The following EXOC4 variants were observed in gnomAD, a reference collection of about 807,000 sequenced individuals.
EXOC4 encodes the protein exocyst complex component 4, also known as SEC8-like 1.
Under a neutral mutation model 107.2 loss-of-function variants are expected in EXOC4, and 71 were observed. That is an observed-to-expected ratio of 0.66 (90% CI 0.55 to 0.81). The LOEUF (loss-of-function observed/expected upper bound fraction) is 0.81. Among genes scored for constraint, EXOC4 ranks in the 30% least tolerant of loss-of-function variants. The probability of loss-of-function intolerance (pLI) is 0.00; values close to 1 mark genes in which losing one functional copy is unlikely to be tolerated. For missense variants in EXOC4, 1,108 were observed against 1,189.6 expected (o/e 0.93, Z 1.01); for synonymous variants, 456 against 441.2 (o/e 1.03, Z -0.42).
At chr7:133,703,400 T>G (rs999588679) in intron 10 of EXOC4, among the ~76,000 whole-genome samples, 3 of 152,132 alleles carry the variant, frequency 2.0e-5, no homozygotes, top group Non-Finnish European at 2.9e-5. Context: ...AAATTCACAT[T>G]TAGGGGGAGT....
rs866162134 is a variant in EXOC4 at position 133,517,101 on chromosome 7, A to C, written c.1417+36963A>C. Among the ~76,000 whole-genome samples, 7 of 152,266 alleles carry C rather than the reference A, an allele frequency of 4.6e-5. No homozygotes were observed. In the South Asian group the frequency reaches 1.5e-3, roughly 32 times the overall value. ...TCCTTCACAGAGCAAAAGGAATTCTATACATTTATTTAAAAGACAAATATT... is the reference window on the plus strand; with the variant it reads ...TCCTTCACAGAGCAAAAGGAATTCTCTACATTTATTTAAAAGACAAATATT... On this transcript the variant is annotated intron_variant, in intron 9 of 17. Transcript: ENST00000253861.
At chr7:133,606,395 A>T (rs931962107) in intron 9 of EXOC4, among the ~76,000 whole-genome samples, 42 of 152,114 alleles carry the variant, frequency 2.8e-4, no homozygotes, top group African/African-American at 9.9e-4. Flanking sequence ...CAAATCCCTT[A>T]TATCCTGAAT....
rs1562985151 is a variant in EXOC4, at chr7:133,757,370, A to C, written c.1515-59955A>C. ...AAGCATCTTACTTTTAAAAAAATGC[A>C]GATTGTGTTTGCTTTGTGATTTTGA... is the stretch of plus-strand genomic sequence containing the variant. On this transcript the variant is annotated intron_variant, in intron 10 of 17. Coordinates refer to ENST00000253861, the MANE Select transcript of EXOC4 (RefSeq NM_021807.4). Among the ~76,000 whole-genome samples the C allele has an allele frequency of 2.6e-5, 4 of 152,246 alleles. 1 individual carries two copies. In the South Asian group the frequency reaches 8.3e-4, roughly 31 times the overall value.
intron 9 of EXOC4, among the ~76,000 whole-genome samples, chr7:133,547,414 G>C (rs1800503084): frequency 6.6e-6 from 1 of 152,128 alleles, no homozygotes; most frequent in South Asian, 2.1e-4. Context: ...GGTGGTTGTT[G>C]AATGTTGGGG....
At chr7:133,861,866 G>A (rs1798541072) in intron 11 of EXOC4, among the ~76,000 whole-genome samples, 1 of 152,170 alleles carries the variant, frequency 6.6e-6, no homozygotes, top group African/African-American at 2.4e-5. Context: ...CACCCAGGGT[G>A]ATTCTGTTGA....
intron 7 of EXOC4, among the ~76,000 whole-genome samples, chr7:133,377,793 G>A (rs930071455): frequency 6.6e-6 from 1 of 152,086 alleles, no homozygotes; most frequent in Non-Finnish European, 1.5e-5. Flanking sequence ...TTGCCTACAA[G>A]CAAACAGTGA....
chr7:133,308,493 C>T (rs537928104), intron 4 of EXOC4, among the ~76,000 whole-genome samples: 5 of 152,270 alleles, frequency 3.3e-5, no homozygotes, highest in Admixed American at 6.5e-5. Flanking sequence ...AAACCAACTA[C>T]GCCCACACCT....
chr7:133,533,105 G>A (rs1049448551), intron 9 of EXOC4, among the ~76,000 whole-genome samples: 2 of 151,986 alleles, frequency 1.3e-5, no homozygotes, highest in Non-Finnish European at 2.9e-5. Flanking sequence ...TATCTCCTTT[G>A]TTGCCTCCTT....
At chr7:133,513,890 C>A (rs1238170768) in intron 9 of EXOC4, among the ~76,000 whole-genome samples, 1 of 152,240 alleles carries the variant, frequency 6.6e-6, no homozygotes, top group African/African-American at 2.4e-5. Flanking sequence ...TATCTGCTCT[C>A]CAATTTGCCG....
chr7:133,479,955 C>A, intron 8 of EXOC4, 95 bp from the exon 9 acceptor site: 1 of 1,047,540 alleles, frequency 9.5e-7, no homozygotes, highest in South Asian at 1.3e-5. Context: ...CGGGGAGCAC[C>A]ACACAGACCA....
At chr7:133,885,996 C>G (rs926665828) in intron 11 of EXOC4, among the ~76,000 whole-genome samples, 2 of 152,092 alleles carry the variant, frequency 1.3e-5, no homozygotes, top group African/African-American at 2.4e-5. Flanking sequence ...AAGTAAGAGG[C>G]CTGTTCAAGC....
intron 7 of EXOC4, among the ~76,000 whole-genome samples, chr7:133,471,905 TG>T (rs1456177272): frequency 6.6e-6 from 1 of 152,134 alleles, no homozygotes; most frequent in Non-Finnish European, 1.5e-5. Flanking sequence ...ATGTAGAAAA[TG>T]GGTGTTTTAG....
intron 5 of EXOC4, among the ~76,000 whole-genome samples, chr7:133,349,637 A>T (rs1282552725): frequency 6.6e-6 from 1 of 152,076 alleles, no homozygotes; most frequent in African/African-American, 2.4e-5. Flanking sequence ...ACTCTTCAAG[A>T]CCCTGATATC....
chr7:133,775,764 G>A (rs1340632212), intron 10 of EXOC4, among the ~76,000 whole-genome samples: 1 of 152,186 alleles, frequency 6.6e-6, no homozygotes, highest in Non-Finnish European at 1.5e-5. Context: ...CTAAGAGACA[G>A]TTGGACTGAT....
At chr7:133,544,066 A>G (rs898504907) in intron 9 of EXOC4, among the ~76,000 whole-genome samples, 8 of 152,132 alleles carry the variant, frequency 5.3e-5, no homozygotes, top group Non-Finnish European at 1.0e-4. Flanking sequence ...ACATACATAT[A>G]TTTTTTGCCT....
chr7:133,257,170 C>T (rs955373068), intron 1 of EXOC4, among the ~76,000 whole-genome samples: 3 of 152,136 alleles, frequency 2.0e-5, no homozygotes, highest in East Asian at 1.9e-4. Context: ...TTCAGTTTGT[C>T]GGAGGCTACT....
intron 14 of EXOC4, among the ~76,000 whole-genome samples, chr7:133,992,748 T>C (rs77716348): frequency 6.7e-6 from 1 of 148,896 alleles, no homozygotes; most frequent in African/African-American, 2.5e-5. Context: ...CGTTTCTTTC[T>C]TTATCTTACC....
chr7:133,911,356 G>C (rs1337836350), intron 12 of EXOC4, among the ~76,000 whole-genome samples: 1 of 152,148 alleles, frequency 6.6e-6, no homozygotes, highest in African/African-American at 2.4e-5. Flanking sequence ...GGGTGGACTT[G>C]CCACTTGAGT....
chr7:133,515,411 A>T (rs1222686137), intron 9 of EXOC4, among the ~76,000 whole-genome samples: 1 of 152,142 alleles, frequency 6.6e-6, no homozygotes, highest in Non-Finnish European at 1.5e-5. Flanking sequence ...ATATATATAC[A>T]CGTGTATATA....
Sources: allele counts gnomAD v4.1 joint callset (sites outside exome capture counted in the v4.1 genomes callset), GRCh38; gene constraint gnomAD v4.1.1; transcripts MANE v1.5; gene names NCBI Gene and HGNC (gene_info 2026-07-23, HGNC 2026-07-21).